Variants in RORB observed in about 807,000 individuals in gnomAD.
RORB encodes RAR related orphan receptor B.
RORB carries 6 observed loss-of-function variants against 59.1 expected under a neutral mutation model. The ratio of observed to expected loss-of-function variants is 0.10; its 90% CI spans 0.06 to 0.20. The LOEUF (loss-of-function observed/expected upper bound fraction) is 0.20. RORB is among the 10% of genes least tolerant of loss of function. The pLI is 1.00. For synonymous variants in RORB, 215 were observed against 204.5 expected (o/e 1.05, Z -0.44); for missense variants, 320 against 560.5 (o/e 0.57, Z 4.33).
intron 4 of RORB, among the ~76,000 whole-genome samples, chr9:74,644,727 A>T (rs1000747542): frequency 6.6e-6 from 1 of 152,224 alleles, no homozygotes; most frequent in African/African-American, 2.4e-5. Flanking sequence ...AATTTGAGAG[A>T]TATGTTTGAA....
chr9:74,624,909 T>C (rs1823484773), intron 1 of RORB, among the ~76,000 whole-genome samples: 2 of 152,194 alleles, frequency 1.3e-5, no homozygotes, highest in South Asian at 2.1e-4. Context: ...ACTTTTAGCA[T>C]AACTGTACAA....
In RORB at chr9:74,631,137, G is replaced by A. The variant is rs191190563; in HGVS notation, c.93+770G>A. The stretch of plus-strand genomic sequence containing the variant: ...AGCTGCTTTCTTAAATAAAGAGCTG[G>A]AGGAATAGCAGTAAACGTAGACTTA... On this transcript the variant is annotated intron_variant, in intron 2 of 9. Transcript: ENST00000376896. Among the ~76,000 whole-genome samples, 171 of 152,308 alleles carry A rather than the reference G, an allele frequency of 1.1e-3. 1 individual carries two copies. The highest frequency in any genetic ancestry group is 3.6e-3 in the African/African-American group (151 of 41,580).
At chr9:74,543,536 C>G (rs1826445478) in intron 1 of RORB, among the ~76,000 whole-genome samples, 1 of 152,120 alleles carries the variant, frequency 6.6e-6, no homozygotes, top group Non-Finnish European at 1.5e-5. Flanking sequence ...CACATCAGTC[C>G]CAGAAATCAT....
At chr9:74,681,057 G>A (rs1165990169) in intron 9 of RORB, among the ~76,000 whole-genome samples, 2 of 152,132 alleles carry the variant, frequency 1.3e-5, no homozygotes, top group African/African-American at 4.8e-5. Context: ...AGAAAGAAAT[G>A]AGTGTGAAAA....
chr9:74,572,331 A>G (rs1822566114), intron 1 of RORB, among the ~76,000 whole-genome samples: 1 of 152,180 alleles, frequency 6.6e-6, no homozygotes, highest in Non-Finnish European at 1.5e-5. Flanking sequence ...GTCACAGGAA[A>G]TATAATCCTT....
At chr9:74,674,894 C>G (rs888734047) in intron 9 of RORB, among the ~76,000 whole-genome samples, 2 of 152,152 alleles carry the variant, frequency 1.3e-5, no homozygotes, top group African/African-American at 4.8e-5. Context: ...CTCTCTGTGC[C>G]TCCATTTCCT....
chr9:74,590,148 T>C (rs1334182293), intron 1 of RORB, among the ~76,000 whole-genome samples: 3 of 152,130 alleles, frequency 2.0e-5, no homozygotes, highest in Non-Finnish European at 4.4e-5. Flanking sequence ...ACAGTAGTAG[T>C]AGTAGTAGTA....
intron 2 of RORB, among the ~76,000 whole-genome samples, chr9:74,633,931 G>T (rs1181614677): frequency 6.6e-6 from 1 of 151,974 alleles, no homozygotes; most frequent in East Asian, 1.9e-4. Flanking sequence ...ACCCGGTCAC[G>T]GTGGCACACA....
At chr9:74,659,709 A>T (rs1209720564) in intron 4 of RORB, among the ~76,000 whole-genome samples, 1 of 151,544 alleles carries the variant, frequency 6.6e-6, no homozygotes, top group African/African-American at 2.4e-5. Context: ...GCTAGCCAGG[A>T]TGGTCTTGAT....
intron 1 of RORB, among the ~76,000 whole-genome samples, chr9:74,628,328 T>C (rs1823555946): frequency 6.6e-6 from 1 of 152,216 alleles, no homozygotes; most frequent in Non-Finnish European, 1.5e-5. Context: ...GCTCTTTAGC[T>C]GGAGCTATTG....
chr9:74,631,387 A>G (rs1001197195), intron 2 of RORB, among the ~76,000 whole-genome samples: 1 of 152,220 alleles, frequency 6.6e-6, no homozygotes, highest in Admixed American at 6.5e-5. Flanking sequence ...TATATTTTTG[A>G]TCAAAGAAGC....
At chr9:74,564,407 T>G (rs1251204147) in intron 1 of RORB, among the ~76,000 whole-genome samples, 1 of 152,274 alleles carries the variant, frequency 6.6e-6, no homozygotes, top group Non-Finnish European at 1.5e-5. Context: ...TGAATTGTTT[T>G]CCAAGAAAAC....
chr9:74,530,870 C>G (rs773616355), intron 1 of RORB, among the ~76,000 whole-genome samples: 1 of 151,784 alleles, frequency 6.6e-6, no homozygotes, highest in African/African-American at 2.4e-5. Flanking sequence ...CTATCCTTCC[C>G]CCTACCCCCT....
intron 9 of RORB, among the ~76,000 whole-genome samples, chr9:74,681,068 T>C (rs1824539714): frequency 6.6e-6 from 1 of 152,150 alleles, no homozygotes; most frequent in Admixed American, 6.5e-5. Context: ...AGTGTGAAAA[T>C]GCCTTTTGAT....
chr9:74,545,458 C>A (rs1435590725), intron 1 of RORB, among the ~76,000 whole-genome samples: 1 of 152,166 alleles, frequency 6.6e-6, no homozygotes, highest in Non-Finnish European at 1.5e-5. Context: ...ATTGCTAACT[C>A]ATTCTCTGTT....
chr9:74,631,153 C>T (rs1355732521), intron 2 of RORB, among the ~76,000 whole-genome samples: 4 of 152,204 alleles, frequency 2.6e-5, no homozygotes, highest in East Asian at 1.9e-4. Flanking sequence ...TAGCAGTAAA[C>T]GTAGACTTAA....
chr9:74,567,106 C>T (rs745757136), intron 1 of RORB, among the ~76,000 whole-genome samples: 3 of 151,890 alleles, frequency 2.0e-5, no homozygotes, highest in Non-Finnish European at 4.4e-5. Flanking sequence ...CGGCTCACTA[C>T]AACCTCTGCC....
intron 9 of RORB, among the ~76,000 whole-genome samples, chr9:74,680,905 T>C (rs1445917265): frequency 2.0e-5 from 3 of 152,182 alleles, no homozygotes; most frequent in African/African-American, 4.8e-5. Flanking sequence ...GTACCAGTTA[T>C]AAAATTGTGA....
chr9:74,599,904 G>T (rs1823028499), intron 1 of RORB, among the ~76,000 whole-genome samples: 1 of 152,178 alleles, frequency 6.6e-6, no homozygotes, highest in Non-Finnish European at 1.5e-5. Flanking sequence ...ACTAGCTGTG[G>T]AGCCACTAAG....
Sources: gnomAD v4.1 joint callset for allele counts (sites outside exome capture counted in the v4.1 genomes callset) on GRCh38, gnomAD v4.1.1 for gene constraint, MANE v1.5 for transcripts, NCBI Gene and HGNC (gene_info 2026-07-23, HGNC 2026-07-21) for gene names.